The following EPB41L3 variants were observed in gnomAD, a reference collection of about 807,000 sequenced individuals.
EPB41L3 encodes the protein erythrocyte membrane protein band 4.1 like 3.
EPB41L3 carries 57 observed loss-of-function variants against 127.1 expected under a neutral mutation model. That is an observed-to-expected ratio of 0.45 (90% CI 0.36 to 0.56). The LOEUF (loss-of-function observed/expected upper bound fraction) is 0.56, where lower values mean the gene tolerates loss of function less well. EPB41L3 is among the 20% of genes least tolerant of loss of function. The probability of loss-of-function intolerance (pLI) is 0.00; values close to 1 mark genes in which losing one functional copy is unlikely to be tolerated. For missense variants in EPB41L3, 1,273 were observed against 1,372.2 expected (o/e 0.93, Z 1.14); for synonymous variants, 572 against 549.5 (o/e 1.04, Z -0.57).
intron 2 of EPB41L3, among the ~76,000 whole-genome samples, chr18:5,483,304 T>C (rs890126191): frequency 3.3e-5 from 5 of 152,148 alleles, no homozygotes; most frequent in African/African-American, 1.2e-4. Context: ...AAGATGTTTC[T>C]GGTAAGCCTC....
At chr18:5,600,722 T>C (rs116847054) in intron 3 of EPB41L3, among the ~76,000 whole-genome samples, 5,139 of 152,252 alleles carry the variant, frequency 0.034, 121 homozygotes, top group Non-Finnish European at 0.049. Context: ...AAAACCAATG[T>C]TCTTTCTAAT....
chr18:5,511,678 C>T (rs2148678991), intron 1 of EPB41L3, among the ~76,000 whole-genome samples: 1 of 151,772 alleles, frequency 6.6e-6, no homozygotes, highest in Non-Finnish European at 1.5e-5. Context: ...ATACTGCAAC[C>T]TTCCAGACGC....
At position 5,415,857 on chromosome 18, in the gene EPB41L3, G is replaced by A. The variant is rs1295733714; in HGVS notation, c.2028C>T (p.Ala676=). 1.2e-6 allele frequency: 2 copies of A among 1,613,446 alleles called. No individual in the cohort carries two copies. Among genetic ancestry groups the A allele is most frequent in the East Asian group, 2.2e-5 (1 of 44,872 alleles). Residue 676 remains alanine, a synonymous_variant, in exon 13 of 23, where the codon GCC becomes GCT. Coordinates refer to ENST00000341928, the MANE Select transcript of EPB41L3 (RefSeq NM_012307.5). ...YLEPKAASLS[A]SLDNDPSDSS... ...TGTCACTCGGGTCATTGTCTAGGGA[G>A]GCGCTCAAGGAGGCCGCCTTGGGCT...
chr18:5,600,621 GA>G (rs1314955153), intron 3 of EPB41L3, among the ~76,000 whole-genome samples: 11 of 150,960 alleles, frequency 7.3e-5, no homozygotes, highest in Non-Finnish European at 1.3e-4. Flanking sequence ...AAAGCAAAGG[GA>G]AGAAAAAAAC....
At chr18:5,491,064 C>A (rs1352577891) in intron 1 of EPB41L3, among the ~76,000 whole-genome samples, 2 of 152,174 alleles carry the variant, frequency 1.3e-5, no homozygotes, top group Non-Finnish European at 2.9e-5. Context: ...CTGCACCCAG[C>A]CTGAGACTAC....
chr18:5,484,240 T>G (rs1014352851), intron 2 of EPB41L3, among the ~76,000 whole-genome samples: 2 of 149,818 alleles, frequency 1.3e-5, no homozygotes, highest in African/African-American at 4.9e-5. Context: ...ATGCCCTGAA[T>G]GACCAACGAG....
At position 5,416,320 on chromosome 18, in the gene EPB41L3, G is replaced by A; in HGVS notation, c.1565C>T (p.Pro522Leu). ...PLSPPSTHCA[P>L]TSPTELRRRC... ...CCTACGGAGCTCTGTGGGAGATGTGGGGGCACAATGGGTGGATGGGGGTGA... is the reference window on the plus strand; with the variant it reads ...CCTACGGAGCTCTGTGGGAGATGTGAGGGCACAATGGGTGGATGGGGGTGA... The change falls in exon 13 of 23, where the codon CCC becomes CTC. Residue 522 changes from proline to leucine, a missense_variant. Physicochemically the swap from Pro to Leu is moderately conservative, Grantham distance 98. Coordinates refer to ENST00000341928, the MANE Select transcript of EPB41L3 (RefSeq NM_012307.5). The A allele has an allele frequency of 1.2e-6, 2 of 1,614,040 alleles. No individual in the cohort carries two copies. Among genetic ancestry groups the A allele is most frequent in the Non-Finnish European group, 1.7e-6 (2 of 1,180,026 alleles).
chr18:5,497,816 G>T lies in EPB41L3; in HGVS notation c.-11-8622C>A, dbSNP rs186264185. Among the ~76,000 whole-genome samples, 105 of 152,316 alleles carry T rather than the reference G, an allele frequency of 6.9e-4. 1 individual carries two copies. The highest frequency in any genetic ancestry group is 3.4e-3 in the Middle Eastern group (1 of 294). On this transcript the variant is annotated intron_variant, in intron 1 of 22. Transcript: ENST00000341928. ...AAGCAAATTTAAAACAGATTAACATGAATATGTTTGGACTCTTGAGTAGAG... is the reference window on the plus strand; with the variant it reads ...AAGCAAATTTAAAACAGATTAACATTAATATGTTTGGACTCTTGAGTAGAG...
chr18:5,560,842 T>A (rs747688317), intron 3 of EPB41L3, among the ~76,000 whole-genome samples: 15 of 152,056 alleles, frequency 9.9e-5, no homozygotes, highest in Non-Finnish European at 2.2e-4. Flanking sequence ...ATGAGGCAAA[T>A]CCTTTATGAG....
intron 1 of EPB41L3, among the ~76,000 whole-genome samples, chr18:5,520,215 T>C (rs1785398): frequency 0.29 from 44,440 of 151,992 alleles, 7,901 homozygotes; most frequent in African/African-American, 0.5. Context: ...AAGTTGGACA[T>C]GTTTCTGAGT....
At chr18:5,466,961 G>A (rs111964209) in intron 3 of EPB41L3, among the ~76,000 whole-genome samples, 1,550 of 152,198 alleles carry the variant, frequency 0.01, 10 homozygotes, top group Non-Finnish European at 0.016. Context: ...TGCCTTTCAC[G>A]GGGGAAATGC....
intron 2 of EPB41L3, among the ~76,000 whole-genome samples, 197 bp from the exon 3 acceptor site, chr18:5,478,635 C>A (rs1191335031): frequency 1.3e-5 from 2 of 152,094 alleles, no homozygotes; most frequent in African/African-American, 4.8e-5. Context: ...ATCAATAAGG[C>A]CTTATTTCAT....
chr18:5,490,929 T>G (rs1248673986), intron 1 of EPB41L3, among the ~76,000 whole-genome samples: 1 of 152,158 alleles, frequency 6.6e-6, no homozygotes, highest in East Asian at 1.9e-4. Flanking sequence ...GAAACAGAGA[T>G]TCATCTGTTG....
At position 5,445,315 on chromosome 18, in the gene EPB41L3, A is replaced by G. The variant is rs1446135672; in HGVS notation, c.382-71T>C. On this transcript the variant is annotated intron_variant, in intron 3 of 22. Coordinates refer to ENST00000341928, the MANE Select transcript of EPB41L3 (RefSeq NM_012307.5). ...AGTTCTCCCAAATATCAGAGATAAA[A>G]CCAGGTAATATTTAAAACATTGCTT... The G allele has an allele frequency of 5.0e-6, 6 of 1,205,714 alleles. No homozygotes were observed. The East Asian group carries it at 9.4e-5, about 19-fold the overall frequency. 74.7% of individuals were successfully genotyped at this position (1,205,714 alleles called of 1,614,324 possible). A position where few individuals can be genotyped will look rare whatever the true frequency, so the allele number is the denominator to read the frequency against.
intron 3 of EPB41L3, among the ~76,000 whole-genome samples, chr18:5,600,405 A>C (rs543482392): frequency 6.6e-6 from 1 of 152,328 alleles, no homozygotes; most frequent in South Asian, 2.1e-4. Flanking sequence ...AGAGAATCAG[A>C]AGGAATGTCT....
chr18:5,613,988 T>G (rs765120862), intron 2 of EPB41L3, among the ~76,000 whole-genome samples: 7 of 152,312 alleles, frequency 4.6e-5, no homozygotes, highest in Non-Finnish European at 8.8e-5. Context: ...TTTTCAGTTA[T>G]CTTTGAGGAT....
chr18:5,481,142 T>C (rs1313793750), intron 2 of EPB41L3, among the ~76,000 whole-genome samples: 1 of 152,176 alleles, frequency 6.6e-6, no homozygotes, highest in East Asian at 1.9e-4. Flanking sequence ...CAGCTATTTA[T>C]AGAGTGAAAA....
intron 1 of EPB41L3, among the ~76,000 whole-genome samples, chr18:5,540,856 G>A (rs1045658591): frequency 2.0e-5 from 3 of 151,878 alleles, no homozygotes; most frequent in Non-Finnish European, 2.9e-5. Flanking sequence ...AGGCCGAGAC[G>A]GGTGGATCAC....
chr18:5,541,275 A>AAAG (rs1229810557), intron 1 of EPB41L3, among the ~76,000 whole-genome samples: 8 of 150,718 alleles, frequency 5.3e-5, no homozygotes, highest in African/African-American at 1.9e-4. Context: ...AAAAAAAAAA[A>AAAG]AAGTCTCTCT....
Sources: gnomAD v4.1 joint callset for allele counts (sites outside exome capture counted in the v4.1 genomes callset) on GRCh38, gnomAD v4.1.1 for gene constraint, MANE v1.5 for transcripts, NCBI Gene and HGNC (gene_info 2026-07-23, HGNC 2026-07-21) for gene names.